Variants in EVC observed in about 807,000 individuals in gnomAD.
EVC encodes EvC ciliary complex subunit 1, also known as evC complex member EVC.
A neutral mutation model predicts 118.9 loss-of-function variants in EVC; 116 were observed. The ratio of observed to expected loss-of-function variants is 0.98; its 90% confidence interval spans 0.84 to 1.14. The LOEUF is 1.14. Ranked by LOEUF, EVC falls within the 50% of genes most tolerant of loss-of-function variation. EVC has a pLI of 0.00. For synonymous variants in EVC, 619 were observed against 534.7 expected (o/e 1.16, Z -2.18); for missense variants, 1,401 against 1,246.4 (o/e 1.12, Z -1.87).
At chr4:5,768,009 G>GTTCA (rs572154695) in intron 11 of EVC, among the ~76,000 whole-genome samples, 2,557 of 152,058 alleles carry the variant, frequency 0.017, 30 homozygotes, top group Middle Eastern at 0.065. Flanking sequence ...TCATTCATTC[G>GTTCA]TTCATTCATT....
chr4:5,825,249 CCTCT>C, the EVC span: 1 of 985,208 alleles, frequency 1.0e-6, no homozygotes, highest in Non-Finnish European at 1.2e-6. This position sits in a 1 kb window ranked among gnomAD's most constrained non-coding sequence, Gnocchi z 4.4. Context: ...AATTTTGGTA[CCTCT>C]CTTTGTAAAC....
chr4:5,755,304 G>A lies in EVC; in HGVS notation c.1465-960G>A, dbSNP rs187407969. ...GTGACCTTGGTGTCCCAGGGCCTCG[G>A]TACAGTCCTCGGAACGCCTCAGCGC... On this transcript the variant is annotated intron_variant, in intron 10 of 20. Transcript: ENST00000264956. The surrounding 1 kb of genome is among the most constrained non-coding windows in gnomAD (Gnocchi z 4.1). 6.6e-6 allele frequency among the ~76,000 whole-genome samples: 1 copy of A among 152,288 alleles called. No individual in the cohort carries two copies. Among genetic ancestry groups the A allele is most frequent in the Admixed American group, 6.5e-5 (1 of 15,310 alleles).
At chr4:5,721,891 T>C (rs747599477) in intron 2 of EVC, among the ~76,000 whole-genome samples, 5 of 152,092 alleles carry the variant, frequency 3.3e-5, no homozygotes, top group Non-Finnish European at 5.9e-5. Flanking sequence ...AAGTTGACTA[T>C]AGTGATGGCT....
chr4:5,750,708 G>A lies in EVC; in HGVS notation c.1099-2128G>A, dbSNP rs1035907477. ...AAGTTTTTAGAGCAGAGCCCGGCAC[G>A]TAGGAAGCATTCAGTACTTGTTAGT... On this transcript the variant is annotated intron_variant, in intron 8 of 20. Coordinates refer to ENST00000264956, the MANE Select transcript of EVC (RefSeq NM_153717.3). Among the ~76,000 whole-genome samples, 63 of 152,314 alleles carry A rather than the reference G, an allele frequency of 4.1e-4. 2 individuals carry two copies. Among genetic ancestry groups the A allele is most frequent in the Admixed American group, 1.9e-3 (29 of 15,306 alleles).
chr4:5,769,800 GAA>G (rs1733663900), intron 11 of EVC, among the ~76,000 whole-genome samples: 1 of 152,156 alleles, frequency 6.6e-6, no homozygotes, highest in African/African-American at 2.4e-5. Flanking sequence ...TTAGGGCTGA[GAA>G]AAAGAGAAAA....
rs770326524 is a variant in EVC at position 5,733,453 on chromosome 4, C to T, written c.702+18C>T. ...AGCATATGGTAGGTGGAGATGTTCGCATTCCCTCCTTTTCATGGGGACAGG... is the reference window on the plus strand; with the variant it reads ...AGCATATGGTAGGTGGAGATGTTCGTATTCCCTCCTTTTCATGGGGACAGG... On this transcript the variant is annotated intron_variant, in intron 5 of 20. Coordinates refer to ENST00000264956, the MANE Select transcript of EVC (RefSeq NM_153717.3). 1 of 1,603,524 alleles carries T rather than the reference C, an allele frequency of 6.2e-7. No homozygotes were observed.
intron 12 of EVC, among the ~76,000 whole-genome samples, chr4:5,784,482 C>G (rs1239398966): frequency 2.6e-5 from 4 of 152,154 alleles, no homozygotes; most frequent in Admixed American, 2.6e-4. Context: ...TTGATTTTAA[C>G]CCATTAAGAC....
chr4:5,808,683 T>G (rs964670147), intron 18 of EVC, among the ~76,000 whole-genome samples: 6 of 152,254 alleles, frequency 3.9e-5, no homozygotes, highest in Non-Finnish European at 5.9e-5. Flanking sequence ...TCTGTGTCAC[T>G]CAGGCAGTGT....
At chr4:5,730,335 C>G (rs945280417) in intron 3 of EVC, among the ~76,000 whole-genome samples, 8 of 152,122 alleles carry the variant, frequency 5.3e-5, no homozygotes, top group Non-Finnish European at 8.8e-5. Context: ...AATTCCTGCA[C>G]CAAAGGAATA....
chr4:5,731,678 A>T lies in EVC; in HGVS notation c.617+21A>T, dbSNP rs754405286. 5 of 1,603,886 alleles carry T rather than the reference A, an allele frequency of 3.1e-6. No homozygotes were observed. In the Admixed American group the frequency reaches 5.1e-5, roughly 16 times the overall value. ...GAGAGGTAAGGAGAGCGGGCAATGG[A>T]GGATGAGGCTTCCAGTCCTCTTGGA... On this transcript the variant is annotated intron_variant, in intron 4 of 20. Transcript: ENST00000264956. The surrounding 1 kb of genome is among the most constrained non-coding windows in gnomAD (Gnocchi z 5.6).
intron 2 of EVC, among the ~76,000 whole-genome samples, chr4:5,724,980 G>C (rs1242826622): frequency 6.6e-6 from 1 of 152,082 alleles, no homozygotes; most frequent in Non-Finnish European, 1.5e-5. Context: ...TGCGGTGTTT[G>C]GTTTTCTGTT....
rs955567943 is a variant in EVC, at chr4:5,742,168, A to C, written c.801+354A>C. On this transcript the variant is annotated intron_variant, in intron 6 of 20. Transcript: ENST00000264956. This position sits in a 1 kb window ranked among gnomAD's most constrained non-coding sequence, Gnocchi z 5.2. ...GTATTCTATTCTCAGTCTTTTATGG[A>C]AAGTTTATTTTGTCTCAGGCGCAGC... 2.0e-5 allele frequency among the ~76,000 whole-genome samples: 3 copies of C among 152,094 alleles called. No individual in the cohort carries two copies. The highest frequency in any genetic ancestry group is 2.0e-4 in the Admixed American group (3 of 15,282).
chr4:5,805,912 A>ATTTTT (rs1715820400), intron 17 of EVC, among the ~76,000 whole-genome samples: 9 of 65,436 alleles, frequency 1.4e-4, no homozygotes, highest in Non-Finnish European at 3.2e-4. Context: ...TTTTTTTTGA[A>ATTTTT]GGAGTGACAG....
chr4:5,753,614 A>G (rs1361639813), intron 9 of EVC, among the ~76,000 whole-genome samples, 171 bp from the exon 10 acceptor site: 1 of 152,156 alleles, frequency 6.6e-6, no homozygotes, highest in Non-Finnish European at 1.5e-5. Flanking sequence ...CTGAGGTCAC[A>G]CTACTAGTGG....
chr4:5,768,075 TGCAGCA>T (rs200296523), intron 11 of EVC, among the ~76,000 whole-genome samples: 2 of 150,634 alleles, frequency 1.3e-5, no homozygotes, highest in African/African-American at 2.5e-5. Context: ...TGCTTGGCAT[TGCAGCA>T]GCAGCAGCAG....
chr4:5,799,806 T>C (rs973087530), intron 15 of EVC, among the ~76,000 whole-genome samples: 15 of 152,200 alleles, frequency 9.9e-5, no homozygotes, highest in Non-Finnish European at 1.8e-4. Context: ...CAACACCCTG[T>C]CTTATTCTAA....
chr4:5,783,430 T>C, intron 11 of EVC, 122 bp from the exon 12 acceptor site: 1 of 927,674 alleles, frequency 1.1e-6, no homozygotes, highest in Admixed American at 1.8e-5. Flanking sequence ...GACTTGAGAG[T>C]TCCTGTCTGT....
At chr4:5,747,843 G>A (rs543018926) in intron 7 of EVC, among the ~76,000 whole-genome samples, 1 of 152,318 alleles carries the variant, frequency 6.6e-6, no homozygotes, top group Admixed American at 6.5e-5. Context: ...CCCCTAGGTA[G>A]CTGTAATGAC....
rs1388045813 is a variant in EVC, at chr4:5,803,990, G to C, written c.2450-740G>C. On this transcript the variant is annotated intron_variant, in intron 16 of 20. Coordinates refer to ENST00000264956, the MANE Select transcript of EVC (RefSeq NM_153717.3). ...GAGTCTCACTCAATCGCCCAGACTG[G>C]AGTGCAGTGGCATGATTTCGGCTCA... Among the ~76,000 whole-genome samples the C allele has an allele frequency of 2.0e-5, 3 of 151,188 alleles. No homozygotes were observed. The South Asian group carries it at 6.3e-4, about 32-fold the overall frequency.
Sources: gnomAD v4.1 joint callset for allele counts (sites outside exome capture counted in the v4.1 genomes callset) on GRCh38, gnomAD v4.1.1 for gene constraint, Gnocchi (gnomAD v3.1) non-coding constraint, MANE v1.5 for transcripts, NCBI Gene and HGNC (gene_info 2026-07-23, HGNC 2026-07-21) for gene names.